The following FAM78B variants were observed in gnomAD, a reference collection of about 807,000 sequenced individuals.
The protein encoded by FAM78B is protein FAM78B.
A neutral mutation model predicts 20.0 loss-of-function variants in FAM78B; 10 were observed. That is an observed-to-expected ratio of 0.50 (90% CI 0.31 to 0.85). The LOEUF (loss-of-function observed/expected upper bound fraction) is 0.85. Ranked by LOEUF, FAM78B falls within the 40% of genes least tolerant of loss-of-function variation. The pLI is 0.05. For synonymous variants in FAM78B, 135 were observed against 132.8 expected (o/e 1.02, Z -0.12); for missense variants, 283 against 345.0 (o/e 0.82, Z 1.42).
chr1:166,066,106 C>T (rs76540213), downstream of FAM78B, among the ~76,000 whole-genome samples: 1,572 of 152,268 alleles, frequency 0.01, 13 homozygotes, highest in Non-Finnish European at 0.012. Context: ...TGAGGGACGG[C>T]GGGTGGCAGG....
intron 1 of FAM78B, among the ~76,000 whole-genome samples, chr1:166,110,806 G>A (rs1654024882): frequency 6.6e-6 from 1 of 152,182 alleles, no homozygotes; most frequent in East Asian, 1.9e-4. Flanking sequence ...AGACTTGTGA[G>A]GAGTGAGGCA....
At chr1:166,143,500 C>T (rs115277509) in intron 1 of FAM78B, among the ~76,000 whole-genome samples, 1 of 152,230 alleles carries the variant, frequency 6.6e-6, no homozygotes, top group Non-Finnish European at 1.5e-5. Context: ...GCATTACTTG[C>T]TAAGGCGTGT....
chr1:166,133,377 TA>T (rs1654947074), intron 1 of FAM78B, among the ~76,000 whole-genome samples: 2 of 152,178 alleles, frequency 1.3e-5, no homozygotes, highest in African/African-American at 2.4e-5. Flanking sequence ...TACATTTTCC[TA>T]AAGACAGATG....
intron 1 of FAM78B, among the ~76,000 whole-genome samples, chr1:166,120,531 AG>A (rs1171921384): frequency 1.3e-5 from 2 of 152,230 alleles, no homozygotes; most frequent in Non-Finnish European, 2.9e-5. Flanking sequence ...TCATTTGGAG[AG>A]CAAAGGCAGA....
At chr1:166,148,274 C>T (rs1655540776) in intron 1 of FAM78B, among the ~76,000 whole-genome samples, 1 of 152,208 alleles carries the variant, frequency 6.6e-6, no homozygotes, top group African/African-American at 2.4e-5. Flanking sequence ...AATAGTTTTG[C>T]CATGGTATGT....
chr1:166,093,566 A>G (rs182122191), intron 1 of FAM78B, among the ~76,000 whole-genome samples: 2 of 152,324 alleles, frequency 1.3e-5, no homozygotes, highest in Admixed American at 1.3e-4. Flanking sequence ...TTTACATAAA[A>G]TATCTTTCTA....
At chr1:166,120,568 C>T (rs925877069) in intron 1 of FAM78B, among the ~76,000 whole-genome samples, 8 of 152,146 alleles carry the variant, frequency 5.3e-5, no homozygotes, top group Admixed American at 1.3e-4. Flanking sequence ...AAGAACAAAC[C>T]CAATTTGTGT....
chr1:166,071,305 A>G (rs904451198), intron 1 of FAM78B, among the ~76,000 whole-genome samples: 4 of 152,254 alleles, frequency 2.6e-5, no homozygotes, highest in African/African-American at 9.6e-5. Context: ...GCATCAGCCA[A>G]TTCATCGCTT....
At chr1:166,146,285 A>T (rs1195399119) in intron 1 of FAM78B, among the ~76,000 whole-genome samples, 1 of 152,226 alleles carries the variant, frequency 6.6e-6, no homozygotes, top group Non-Finnish European at 1.5e-5. Context: ...GTTTTACGGC[A>T]TCTGGGATCA....
chr1:166,126,517 C>T (rs756334037), intron 1 of FAM78B, among the ~76,000 whole-genome samples: 26 of 151,954 alleles, frequency 1.7e-4, no homozygotes, highest in South Asian at 6.2e-4. Flanking sequence ...GATAACTGAG[C>T]AAAAATTTGA....
chr1:166,119,822 T>C (rs1654401493), intron 1 of FAM78B, among the ~76,000 whole-genome samples: 1 of 152,202 alleles, frequency 6.6e-6, no homozygotes, highest in Non-Finnish European at 1.5e-5. Context: ...GCCAAGGCAA[T>C]ACACTGAACA....
exon 3 of FAM78B, chr1:166,060,631 G>A (rs1252096098): frequency 7.8e-7 from 1 of 1,288,896 alleles, no homozygotes; most frequent in Non-Finnish European, 1.0e-6. Flanking sequence ...ATGTGGTTGT[G>A]CTTGCTGGGC....
intron 1 of FAM78B, among the ~76,000 whole-genome samples, chr1:166,102,885 C>T (rs2101748603): frequency 6.6e-6 from 1 of 152,278 alleles, no homozygotes; most frequent in East Asian, 1.9e-4. Context: ...AACTCTCCAC[C>T]CCAAATCAAC....
intron 1 of FAM78B, among the ~76,000 whole-genome samples, chr1:166,127,027 G>C (rs1388098168): frequency 6.6e-6 from 1 of 152,228 alleles, no homozygotes; most frequent in African/African-American, 2.4e-5. Context: ...TGTTATGGTA[G>C]AAGGAATAAA....
At chr1:166,061,561 C>T (rs116111135) in intron 2 of FAM78B, among the ~76,000 whole-genome samples, 65 of 152,214 alleles carry the variant, frequency 4.3e-4, no homozygotes, top group Non-Finnish European at 7.4e-4. Context: ...CAGTAGACAA[C>T]GCCATTACAT....
At chr1:166,099,685 A>G (rs530623716) in intron 1 of FAM78B, among the ~76,000 whole-genome samples, 3 of 152,354 alleles carry the variant, frequency 2.0e-5, no homozygotes, top group East Asian at 3.9e-4. Flanking sequence ...AAAGAGGGAC[A>G]TTATATAATG....
chr1:166,084,662 T>C (rs1325717077), intron 1 of FAM78B, among the ~76,000 whole-genome samples: 1 of 152,224 alleles, frequency 6.6e-6, no homozygotes, highest in Non-Finnish European at 1.5e-5. Context: ...TCCCTGCACC[T>C]GGGTCCACGT....
At chr1:166,123,607 C>A (rs1654540541) in intron 1 of FAM78B, among the ~76,000 whole-genome samples, 1 of 152,168 alleles carries the variant, frequency 6.6e-6, no homozygotes, top group Admixed American at 6.5e-5. Context: ...TTGCAAATAT[C>A]AGAAACCAAC....
intron 1 of FAM78B, among the ~76,000 whole-genome samples, chr1:166,084,237 A>ACACACACTCTCTCTCT (rs771421402): frequency 5.6e-4 from 70 of 125,468 alleles, no homozygotes; most frequent in South Asian, 1.3e-3. Flanking sequence ...ACACACACAC[A>ACACACACTCTCTCTCT]CTCTCTCTCT....
Sources: allele counts gnomAD v4.1 joint callset (sites outside exome capture counted in the v4.1 genomes callset), GRCh38; gene constraint gnomAD v4.1.1; transcripts MANE v1.5; gene names NCBI Gene and HGNC (gene_info 2026-07-23, HGNC 2026-07-21).